The following MID1 variants were observed in gnomAD, a reference collection of about 807,000 sequenced individuals.
MID1 encodes the protein midline 1.
MID1 carries 7 observed loss-of-function variants against 40.4 expected under a neutral mutation model. The ratio of observed to expected loss-of-function variants is 0.17; its 90% CI spans 0.10 to 0.33. The LOEUF (loss-of-function observed/expected upper bound fraction) is 0.33, where lower values mean the gene tolerates loss of function less well. Ranked by LOEUF, MID1 falls within the 10% of genes least tolerant of loss-of-function variation. The pLI is 1.00. For synonymous variants in MID1, 229 were observed against 221.2 expected (o/e 1.04, Z -0.31); for missense variants, 367 against 558.5 (o/e 0.66, Z 3.46).
intron 1 of MID1, among the ~76,000 whole-genome samples, chrX:10,687,787 T>C (rs1344192699): frequency 8.9e-6 from 1 of 111,903 alleles, no homozygotes; most frequent in African/African-American, 3.2e-5. Context: ...GATCATGGCT[T>C]GCTGCAGCCT....
rs760434749 is a variant in MID1 at position 10,695,088 on chromosome X, C to G, written c.-186-74669G>C. ...ACAAGATTTGCAACTTCCCCAATTA[C>G]TCCTGTAATTAACATTACTATTATA... On this transcript the variant is annotated intron_variant, in intron 1 of 10. Transcript: ENST00000380785. 3.6e-5 allele frequency among the ~76,000 whole-genome samples: 4 copies of G among 112,065 alleles called. No homozygotes were observed. The East Asian group carries it at 1.1e-3, about 31-fold the overall frequency.
chrX:10,538,914 A>G (rs1305762939), intron 2 of MID1, among the ~76,000 whole-genome samples: 1 of 112,407 alleles, frequency 8.9e-6, no homozygotes, highest in Non-Finnish European at 1.9e-5. Flanking sequence ...CCATTTCAAA[A>G]TTGGATAGAG....
At chrX:10,742,673 CTT>C (rs1569159992) in intron 1 of MID1, among the ~76,000 whole-genome samples, 1 of 112,569 alleles carries the variant, frequency 8.9e-6, no homozygotes, top group Non-Finnish European at 1.9e-5. Flanking sequence ...AAAAATTAGA[CTT>C]ATTTTCTTCA....
intron 9 of MID1, among the ~76,000 whole-genome samples, chrX:10,450,239 T>C (rs144474069): frequency 0.01 from 1,136 of 112,561 alleles, 15 homozygotes; most frequent in African/African-American, 0.032. Flanking sequence ...ATAGCTACCA[T>C]ACTGGACAGC....
intron 1 of MID1, among the ~76,000 whole-genome samples, chrX:10,832,042 C>G (rs897121492): frequency 1.8e-5 from 2 of 112,509 alleles, no homozygotes; most frequent in Non-Finnish European, 3.8e-5. Flanking sequence ...AACAGAATGT[C>G]AAGACTCATA....
intron 3 of MID1, among the ~76,000 whole-genome samples, chrX:10,519,907 C>T (rs1292145685): frequency 8.9e-6 from 1 of 112,177 alleles, no homozygotes; most frequent in Non-Finnish European, 1.9e-5. Flanking sequence ...AGTAAAAGCA[C>T]AGACTTTACA....
chrX:10,477,475 T>C (rs777514531), intron 5 of MID1, among the ~76,000 whole-genome samples: 1 of 112,233 alleles, frequency 8.9e-6, no homozygotes, highest in South Asian at 3.7e-4. Flanking sequence ...CATTTGTTTT[T>C]TGATGGAAGG....
At chrX:10,808,349 C>T (rs182700781) in intron 1 of MID1, among the ~76,000 whole-genome samples, 11 of 111,476 alleles carry the variant, frequency 9.9e-5, no homozygotes, top group Non-Finnish European at 1.5e-4. Context: ...GTACGATGCC[C>T]TTATCTGTGA....
intron 1 of MID1, among the ~76,000 whole-genome samples, chrX:10,828,781 G>T (rs2044232690): frequency 1.8e-5 from 2 of 112,294 alleles, no homozygotes; most frequent in Admixed American, 1.9e-4. Context: ...TTCAACCCCT[G>T]AATTGTTTAC....
At chrX:10,826,878 T>C (rs770416575) in intron 1 of MID1, among the ~76,000 whole-genome samples, 3 of 112,345 alleles carry the variant, frequency 2.7e-5, no homozygotes, top group Admixed American at 9.4e-5. Context: ...ACAAATATTA[T>C]TGAACAAATG....
In MID1 at chrX:10,482,620, C is replaced by T; in HGVS notation, c.873G>A (p.Arg291=). 8.3e-7 allele frequency: 1 copy of T among 1,210,158 alleles called. No homozygotes were observed. Among genetic ancestry groups the T allele is most frequent in the South Asian group, 1.8e-5 (1 of 56,978 alleles). ...GTKIKEGKVM[R]LRKLAQQIAN... is the part of the protein sequence containing the mutation. ...CAATCTGCTGAGCCAGTTTGCGAAG[C>T]CTCATCACCTTGAACAAAAGAGGCA... The change falls in exon 5 of 10, where the codon AGG becomes AGA. Residue 291 remains arginine, a synonymous_variant. Coordinates refer to ENST00000317552, the MANE Select transcript of MID1 (RefSeq NM_000381.4).
chrX:10,592,274 TAAAAAAAAAAAAAAAA>T (rs144661774), intron 1 of MID1, among the ~76,000 whole-genome samples: 1 of 28,233 alleles, frequency 3.5e-5, no homozygotes, highest in African/African-American at 1.4e-4. Context: ...GGGACTGCGT[TAAAAAAAAAAAAAAAA>T]AAAAAAAAAA....
At chrX:10,509,958 A>G (rs1428119295) in intron 3 of MID1, among the ~76,000 whole-genome samples, 2 of 112,369 alleles carry the variant, frequency 1.8e-5, no homozygotes, top group African/African-American at 3.2e-5. Context: ...CAGACCATCA[A>G]GATTTTTGTT....
chrX:10,462,893 C>G (rs1004779603), intron 7 of MID1, among the ~76,000 whole-genome samples: 2 of 111,835 alleles, frequency 1.8e-5, no homozygotes, highest in Admixed American at 1.9e-4. Flanking sequence ...TCCTTTCCTT[C>G]TCCTCTGTAA....
chrX:10,448,978 T>G lies in MID1; in HGVS notation c.*390A>C. On this transcript the variant is annotated 3_prime_UTR_variant, in exon 10 of 10. Coordinates refer to ENST00000317552, the MANE Select transcript of MID1 (RefSeq NM_000381.4). The stretch of plus-strand genomic sequence containing the variant: ...ATGGGATATCAGGTAAGAAGATGAG[T>G]AACATACAAAACTACAAAAGTTTTT... 1 of 148,557 alleles carries G rather than the reference T, an allele frequency of 6.7e-6. No individual in the cohort carries two copies. Among genetic ancestry groups the G allele is most frequent in the Non-Finnish European group, 1.3e-5 (1 of 75,617 alleles). 12.2% of individuals were successfully genotyped at this position (148,557 alleles called of 1,213,427 possible).
At chrX:10,517,829 C>T (rs1414773688) in intron 3 of MID1, among the ~76,000 whole-genome samples, 1 of 112,544 alleles carries the variant, frequency 8.9e-6, no homozygotes, top group African/African-American at 3.2e-5. Context: ...CAGTCCCCAG[C>T]TAGAAATAAT....
chrX:10,826,549 C>T (rs1316390416), intron 1 of MID1, among the ~76,000 whole-genome samples: 1 of 111,984 alleles, frequency 8.9e-6, no homozygotes, highest in Non-Finnish European at 1.9e-5. Flanking sequence ...CTGAAAACTC[C>T]CTCATAGAGT....
intron 5 of MID1, among the ~76,000 whole-genome samples, chrX:10,478,250 C>A (rs1291349466): frequency 1.8e-5 from 2 of 112,270 alleles, no homozygotes; most frequent in Non-Finnish European, 3.8e-5. Context: ...GGTGCATATA[C>A]AATCACACCA....
chrX:10,584,141 A>G (rs1210325760), intron 1 of MID1, among the ~76,000 whole-genome samples: 1 of 111,502 alleles, frequency 9.0e-6, no homozygotes, highest in African/African-American at 3.3e-5. Flanking sequence ...ATGTCCTCAC[A>G]TGGCAAAAGA....
Sources: gnomAD v4.1 joint callset for allele counts (sites outside exome capture counted in the v4.1 genomes callset) on GRCh38, gnomAD v4.1.1 for gene constraint, MANE v1.5 for transcripts, NCBI Gene and HGNC (gene_info 2026-07-23, HGNC 2026-07-21) for gene names.